The following DLG1 variants were observed in gnomAD, a reference collection of about 807,000 sequenced individuals.
The protein encoded by DLG1 is disks large homolog 1.
Under a neutral mutation model 123.4 loss-of-function variants are expected in DLG1, and 42 were observed. That is an observed-to-expected ratio of 0.34 (90% CI 0.27 to 0.44). The LOEUF (loss-of-function observed/expected upper bound fraction) is 0.44. Among genes scored for constraint, DLG1 ranks in the 20% least tolerant of loss-of-function variants. The pLI is 1.00. For synonymous variants in DLG1, 317 were observed against 356.2 expected (o/e 0.89, Z 1.24); for missense variants, 942 against 1,082.6 (o/e 0.87, Z 1.82).
chr3:197,223,003 C>A (rs964312475), intron 4 of DLG1, among the ~76,000 whole-genome samples: 3 of 152,186 alleles, frequency 2.0e-5, no homozygotes, highest in African/African-American at 7.2e-5. Flanking sequence ...AGGCTCCGGC[C>A]TCACTGTGCC....
chr3:197,258,310 G>A (rs543572514), intron 4 of DLG1, among the ~76,000 whole-genome samples: 52 of 152,078 alleles, frequency 3.4e-4, no homozygotes, highest in African/African-American at 1.1e-3. Context: ...TACTGTAAAT[G>A]GAGACCAAGA....
At chr3:197,150,405 C>T (rs1271274644) in intron 5 of DLG1, among the ~76,000 whole-genome samples, 1 of 151,744 alleles carries the variant, frequency 6.6e-6, no homozygotes, top group Non-Finnish European at 1.5e-5. Flanking sequence ...TAACACACAC[C>T]TAGTTAAGTT....
intron 5 of DLG1, among the ~76,000 whole-genome samples, chr3:197,165,737 T>C (rs1257534990): frequency 1.3e-5 from 2 of 152,220 alleles, no homozygotes; most frequent in Admixed American, 6.5e-5. Flanking sequence ...TTCTGATTTA[T>C]GAATGCATAA....
At chr3:197,241,076 A>G (rs1748600663) in intron 4 of DLG1, among the ~76,000 whole-genome samples, 1 of 152,164 alleles carries the variant, frequency 6.6e-6, no homozygotes, top group Admixed American at 6.6e-5. Flanking sequence ...TTTGACCCAA[A>G]TAAGATTACC....
At chr3:197,293,173 C>G (rs1775756890) in intron 3 of DLG1, among the ~76,000 whole-genome samples, 1 of 152,192 alleles carries the variant, frequency 6.6e-6, no homozygotes, top group South Asian at 2.1e-4. Context: ...ACTTTATCTT[C>G]CTTTATACAA....
intron 12 of DLG1, among the ~76,000 whole-genome samples, chr3:197,118,809 T>C (rs905994999): frequency 6.6e-6 from 1 of 152,206 alleles, no homozygotes; most frequent in Non-Finnish European, 1.5e-5. Context: ...GTAAATTTTG[T>C]GTGTCAGAAT....
chr3:197,224,062 A>G (rs1246472603), intron 4 of DLG1, among the ~76,000 whole-genome samples: 1 of 152,218 alleles, frequency 6.6e-6, no homozygotes, highest in Non-Finnish European at 1.5e-5. Context: ...TAAAGTATCT[A>G]ATGATTTCCT....
intron 20 of DLG1, among the ~76,000 whole-genome samples, chr3:197,066,501 T>C (rs1184461337): frequency 6.6e-6 from 1 of 152,058 alleles, no homozygotes; most frequent in East Asian, 1.9e-4. Context: ...AACACAAATA[T>C]AAAAGTCAGT....
At chr3:197,144,829 T>G (rs1010525230) in intron 6 of DLG1, among the ~76,000 whole-genome samples, 4 of 152,182 alleles carry the variant, frequency 2.6e-5, no homozygotes, top group African/African-American at 9.7e-5. Flanking sequence ...GGCATTTATA[T>G]AGAGAGAGTT....
intron 4 of DLG1, among the ~76,000 whole-genome samples, chr3:197,209,389 A>G (rs970763246): frequency 2.0e-5 from 3 of 146,766 alleles, no homozygotes; most frequent in Non-Finnish European, 4.6e-5. Flanking sequence ...AAAATACATA[A>G]GCAAAACCAA....
chr3:197,224,564 C>G (rs1207686218), intron 4 of DLG1, among the ~76,000 whole-genome samples: 1 of 152,144 alleles, frequency 6.6e-6, no homozygotes, highest in African/African-American at 2.4e-5. Flanking sequence ...CATAGTTTAA[C>G]AACCAATACG....
At chr3:197,050,461 G>C (rs1180052510) in intron 24 of DLG1, among the ~76,000 whole-genome samples, 1 of 151,802 alleles carries the variant, frequency 6.6e-6, no homozygotes, top group African/African-American at 2.4e-5. Context: ...CATGCATATG[G>C]TATATATACA....
intron 5 of DLG1, among the ~76,000 whole-genome samples, chr3:197,169,312 T>C (rs764983181): frequency 2.0e-5 from 3 of 152,198 alleles, no homozygotes; most frequent in Non-Finnish European, 2.9e-5. Context: ...CCCTGATTAA[T>C]ACAGGAAGAG....
At chr3:197,180,845 G>C (rs1809882643) in intron 5 of DLG1, among the ~76,000 whole-genome samples, 1 of 152,164 alleles carries the variant, frequency 6.6e-6, no homozygotes, top group Admixed American at 6.6e-5. Flanking sequence ...AGAGGTATTA[G>C]ATTAGGTGTC....
chr3:197,075,730 C>A, intron 18 of DLG1: 1 of 890,170 alleles, frequency 1.1e-6, no homozygotes, highest in South Asian at 1.8e-5. Flanking sequence ...AAATCATACA[C>A]CTCCTTATGC....
chr3:197,044,797 G>T (rs1299584458), intron 24 of DLG1, 68 bp from the exon 25 acceptor site: 3 of 948,120 alleles, frequency 3.2e-6, no homozygotes, highest in East Asian at 5.3e-5. Context: ...AATTATTGAT[G>T]AAATAGTAGA....
chr3:197,263,297 G>A (rs1056415516), intron 4 of DLG1, among the ~76,000 whole-genome samples: 9 of 151,992 alleles, frequency 5.9e-5, no homozygotes, highest in Admixed American at 1.3e-4. Flanking sequence ...AAATCACTAC[G>A]GCAAGTTAGA....
intron 4 of DLG1, among the ~76,000 whole-genome samples, chr3:197,239,843 T>TAAAAAAAAAAAAAAAAAAA (rs3035903): frequency 7.5e-6 from 1 of 133,984 alleles, no homozygotes; most frequent in Non-Finnish European, 1.6e-5. Context: ...ACAGAAAAGT[T>TAAAAAAAAAAAAAAAAAAA]AAAAAAAAAA....
intron 5 of DLG1, among the ~76,000 whole-genome samples, chr3:197,177,339 T>C (rs1026141488): frequency 2.6e-5 from 4 of 152,120 alleles, no homozygotes; most frequent in African/African-American, 9.7e-5. Context: ...AAATAACCTA[T>C]CAATTAGAGT....
Sources: gnomAD v4.1 joint callset for allele counts (sites outside exome capture counted in the v4.1 genomes callset) on GRCh38, gnomAD v4.1.1 for gene constraint, MANE v1.5 for transcripts, NCBI Gene and HGNC (gene_info 2026-07-23, HGNC 2026-07-21) for gene names.